Variants in PAPOLA observed in about 807,000 individuals in gnomAD.
PAPOLA encodes poly(A) polymerase alpha, also known as polynucleotide adenylyltransferase alpha.
Under a neutral mutation model 100.6 loss-of-function variants are expected in PAPOLA, and 15 were observed. The observed-to-expected ratio is 0.15, with a 90% CI of 0.10 to 0.23. The LOEUF (loss-of-function observed/expected upper bound fraction) is 0.23, where lower values mean the gene tolerates loss of function less well. Among genes scored for constraint, PAPOLA ranks in the 10% least tolerant of loss-of-function variants. The pLI is 1.00. For synonymous variants in PAPOLA, 293 were observed against 300.0 expected (o/e 0.98, Z 0.24); for missense variants, 533 against 884.2 (o/e 0.60, Z 5.04).
At chr14:96,512,993 A>G (rs577044678) in intron 1 of PAPOLA, among the ~76,000 whole-genome samples, 2 of 152,212 alleles carry the variant, frequency 1.3e-5, no homozygotes, top group South Asian at 4.2e-4. Context: ...TCGGGTCCCT[A>G]TTTTGGTCTG....
intron 12 of PAPOLA, 86 bp from the exon 13 acceptor site, chr14:96,542,157 T>G (rs575468655): frequency 3.9e-6 from 3 of 775,248 alleles, no homozygotes; most frequent in Non-Finnish European, 6.4e-6. Flanking sequence ...GATCTATAAC[T>G]GTAAGGAAGC....
chr14:96,521,312 A>T (rs1170213159), intron 3 of PAPOLA, among the ~76,000 whole-genome samples: 2 of 152,090 alleles, frequency 1.3e-5, no homozygotes, highest in African/African-American at 4.8e-5. Context: ...ACATTTGAAA[A>T]CTGAAACTCA....
At chr14:96,545,515 A>G (rs1391981141) in intron 15 of PAPOLA, among the ~76,000 whole-genome samples, 1 of 152,106 alleles carries the variant, frequency 6.6e-6, no homozygotes, top group Non-Finnish European at 1.5e-5. Context: ...TGGTAGTTGT[A>G]TTCCTGGAAA....
At chr14:96,518,164 T>A (rs1159710853) in intron 1 of PAPOLA, among the ~76,000 whole-genome samples, 5 of 152,216 alleles carry the variant, frequency 3.3e-5, no homozygotes, top group Non-Finnish European at 7.3e-5. Context: ...TTATAAAATC[T>A]GAATTAAAAT....
chr14:96,521,920 G>A (rs1898001317), intron 3 of PAPOLA, among the ~76,000 whole-genome samples: 1 of 152,022 alleles, frequency 6.6e-6, no homozygotes, highest in South Asian at 2.1e-4. Context: ...TCATGCCTCA[G>A]CCTCCTGAGT....
At chr14:96,559,110 A>G (rs1901601583) in intron 19 of PAPOLA, among the ~76,000 whole-genome samples, 1 of 151,922 alleles carries the variant, frequency 6.6e-6, no homozygotes, top group South Asian at 2.1e-4. Context: ...CATTTTAAGA[A>G]GATAAGGGGT....
At chr14:96,542,965 T>G in intron 14 of PAPOLA, 72 bp downstream of exon 14, 1 of 1,485,676 alleles carries the variant, frequency 6.7e-7, no homozygotes, top group Non-Finnish European at 9.3e-7. Flanking sequence ...TACAGGCATT[T>G]TTTATAACTA....
At chr14:96,533,992 A>G in intron 9 of PAPOLA, 2 of 986,274 alleles carry the variant, frequency 2.0e-6, no homozygotes, top group South Asian at 9.4e-5. Flanking sequence ...TGGAACACAT[A>G]TGAAAATGTG....
chr14:96,550,240 C>T (rs1481122496), intron 16 of PAPOLA, among the ~76,000 whole-genome samples: 4 of 152,114 alleles, frequency 2.6e-5, no homozygotes, highest in African/African-American at 7.2e-5. Flanking sequence ...TTGGCTATTT[C>T]TTATGAATAT....
chr14:96,525,210 T>C, intron 3 of PAPOLA, 100 bp from the exon 4 acceptor site: 2 of 662,532 alleles, frequency 3.0e-6, no homozygotes, highest in Non-Finnish European at 2.7e-6. Context: ...AAATTTACAC[T>C]GTAATCTTTC....
Position 96,552,469 on chromosome 14 carries a change from A to G in PAPOLA, c.1522-11A>G. ...AAAGATATATTTGATAAAATGTTTTATTGTTTGCAGCATTCAACAGAAGGT... is the reference window on the plus strand; with the variant it reads ...AAAGATATATTTGATAAAATGTTTTGTTGTTTGCAGCATTCAACAGAAGGT... On this transcript the variant is annotated splice_polypyrimidine_tract_variant and intron_variant, in intron 16 of 21. Transcript: ENST00000216277. 1 of 1,608,580 alleles carries G rather than the reference A, an allele frequency of 6.2e-7. No homozygotes were observed.
chr14:96,545,610 T>A (rs1261636021), intron 15 of PAPOLA, among the ~76,000 whole-genome samples: 4 of 152,118 alleles, frequency 2.6e-5, no homozygotes, highest in Non-Finnish European at 5.9e-5. Flanking sequence ...AAAATTGAAG[T>A]GAATTCTTGT....
intron 9 of PAPOLA, chr14:96,533,279 G>T (rs1422207319): frequency 1.0e-6 from 1 of 984,728 alleles, no homozygotes; most frequent in Non-Finnish European, 1.2e-6. Context: ...GGCCCAAAAG[G>T]TGAGGGTTCT....
At chr14:96,529,538 C>T (rs1467741167) in intron 6 of PAPOLA, among the ~76,000 whole-genome samples, 1 of 151,450 alleles carries the variant, frequency 6.6e-6, no homozygotes, top group African/African-American at 2.4e-5. Flanking sequence ...CTGGCCAACA[C>T]GTTGAAACCC....
chr14:96,561,827 C>CAT (rs1901865851), intron 20 of PAPOLA, among the ~76,000 whole-genome samples: 5 of 134,286 alleles, frequency 3.7e-5, no homozygotes, highest in Non-Finnish European at 8.3e-5. Context: ...AACAATATTT[C>CAT]GTTTTTTTTT....
intron 7 of PAPOLA, 185 bp from the exon 8 acceptor site, chr14:96,532,146 C>G: frequency 7.3e-7 from 1 of 1,372,688 alleles, no homozygotes; most frequent in Non-Finnish European, 9.3e-7. Flanking sequence ...ATTTTTTCCC[C>G]CTCTTTATTG....
chr14:96,535,998 A>G lies in PAPOLA; in HGVS notation c.1029A>G (p.Gln343=). Residue 343 remains glutamine, a splice_region_variant and synonymous_variant, in exon 11 of 22, where the codon CAA becomes CAG. Coordinates refer to ENST00000216277, the MANE Select transcript of PAPOLA (RefSeq NM_032632.5). The part of the protein sequence containing the change: ...TRMVMVEEFK[Q]GLAITDEILL... ...TGGTCATGGTTGAGGAGTTTAAACA[A>G]GGTAAGTGTTTATCCTTATGCTCTG... 2 of 1,597,230 alleles carry G rather than the reference A, an allele frequency of 1.3e-6. No individual in the cohort carries two copies. Among genetic ancestry groups the G allele is most frequent in the Non-Finnish European group, 1.7e-6 (2 of 1,171,326 alleles).
At chr14:96,518,772 T>C (rs1025301346) in intron 1 of PAPOLA, among the ~76,000 whole-genome samples, 1 of 151,988 alleles carries the variant, frequency 6.6e-6, no homozygotes, top group East Asian at 2.0e-4. Flanking sequence ...AAAAAGTAGC[T>C]GTGGTTGGGC....
rs560584581 is a variant in PAPOLA at position 96,558,225 on chromosome 14, A to C, written c.2004+1812A>C. ...CTGAATCAGAGATCTTCTAGAAGTT[A>C]GGCCTGGAGATCCTATTAAGAGCCC... On this transcript the variant is annotated intron_variant, in intron 19 of 21. Coordinates refer to ENST00000216277, the MANE Select transcript of PAPOLA (RefSeq NM_032632.5). Among the ~76,000 whole-genome samples the C allele has an allele frequency of 2.5e-4, 38 of 152,280 alleles. 1 individual carries two copies. The East Asian group carries it at 6.9e-3, about 28-fold the overall frequency.
Sources: allele counts gnomAD v4.1 joint callset (sites outside exome capture counted in the v4.1 genomes callset), GRCh38; gene constraint gnomAD v4.1.1; transcripts MANE v1.5; gene names NCBI Gene and HGNC (gene_info 2026-07-23, HGNC 2026-07-21).